The following FSTL4 variants were observed in gnomAD, a reference collection of about 807,000 sequenced individuals.
FSTL4 encodes the protein follistatin-related protein 4.
Under a neutral mutation model 78.2 loss-of-function variants are expected in FSTL4, and 28 were observed. That is an observed-to-expected ratio of 0.36 (90% CI 0.27 to 0.49). FSTL4 has a LOEUF of 0.49. Ranked by LOEUF, FSTL4 falls within the 20% of genes least tolerant of loss-of-function variation. The pLI, the probability that FSTL4 is intolerant of heterozygous loss-of-function variation, is 0.98. For synonymous variants in FSTL4, 422 were observed against 440.5 expected, an observed-to-expected ratio of 0.96 and a Z score of 0.53; for missense variants, 922 against 1,084.9, an observed-to-expected ratio of 0.85 and a Z score of 2.11.
At chr5:133,680,256 G>A in the FSTL4 span, among the ~76,000 whole-genome samples, 1 of 152,042 alleles carries the variant, frequency 6.6e-6, no homozygotes, top group African/African-American at 2.4e-5. Context: ...CTACTATGAG[G>A]CCCTGTGCTG....
the FSTL4 span, among the ~76,000 whole-genome samples, chr5:133,740,666 C>G: frequency 6.6e-6 from 1 of 152,178 alleles, no homozygotes; most frequent in African/African-American, 2.4e-5. Flanking sequence ...AGAACACTCC[C>G]TCTCCTGCAT....
the FSTL4 span, among the ~76,000 whole-genome samples, chr5:133,687,775 T>C: frequency 6.6e-6 from 1 of 152,224 alleles, no homozygotes; most frequent in South Asian, 2.1e-4. Flanking sequence ...GTAGCCTAAA[T>C]AAGAGAGACG....
chr5:133,376,573 G>T (rs755361122), intron 4 of FSTL4, among the ~76,000 whole-genome samples: 1 of 152,066 alleles, frequency 6.6e-6, no homozygotes, highest in Non-Finnish European at 1.5e-5. Flanking sequence ...AAACCCAACC[G>T]GTTAAAGTAT....
At chr5:133,532,363 T>C (rs1759271403) in intron 3 of FSTL4, among the ~76,000 whole-genome samples, 1 of 152,258 alleles carries the variant, frequency 6.6e-6, no homozygotes, top group South Asian at 2.1e-4. Flanking sequence ...ATCCCCTCCA[T>C]GCTGTGTATT....
chr5:133,209,853 T>C, intron 14 of FSTL4: 1 of 223,962 alleles, frequency 4.5e-6, no homozygotes, highest in Non-Finnish European at 8.8e-6. Flanking sequence ...GCTTTGACAC[T>C]ATTCTTCAGC....
At chr5:133,719,059 T>C in the FSTL4 span, among the ~76,000 whole-genome samples, 1 of 152,250 alleles carries the variant, frequency 6.6e-6, no homozygotes, top group Non-Finnish European at 1.5e-5. Context: ...GAATTTTTGG[T>C]TTTATACATA....
intron 6 of FSTL4, among the ~76,000 whole-genome samples, chr5:133,263,108 T>C (rs1752570134): frequency 6.6e-6 from 1 of 152,108 alleles, no homozygotes. Flanking sequence ...GGATGAATAC[T>C]GGGGTTTTGG....
At chr5:133,531,429 C>T (rs968685485) in intron 3 of FSTL4, among the ~76,000 whole-genome samples, 1 of 152,118 alleles carries the variant, frequency 6.6e-6, no homozygotes, top group Non-Finnish European at 1.5e-5. Context: ...CCTTAAGCGT[C>T]CTACTTCTGC....
Position 133,549,399 on chromosome 5 carries a change from A to C in FSTL4, c.160+17787T>G, listed in dbSNP as rs557716361. On this transcript the variant is annotated intron_variant, in intron 3 of 15. Coordinates refer to ENST00000265342, the MANE Select transcript of FSTL4 (RefSeq NM_015082.2). The stretch of plus-strand genomic sequence containing the variant: ...TTCAATTACCTTTTTTAATTTCTAG[A>C]AATTCTATTTGGTTATTTTTCAAAT... Among the ~76,000 whole-genome samples, 11 of 152,238 alleles carry C rather than the reference A, an allele frequency of 7.2e-5. No individual in the cohort carries two copies. The East Asian group carries it at 2.1e-3, about 29-fold the overall frequency.
At chr5:133,755,540 C>T in the FSTL4 span, among the ~76,000 whole-genome samples, 1 of 152,178 alleles carries the variant, frequency 6.6e-6, no homozygotes, top group African/African-American at 2.4e-5. Flanking sequence ...ACCTCTCACA[C>T]ATACTCTAGA....
intron 3 of FSTL4, among the ~76,000 whole-genome samples, chr5:133,402,826 C>T (rs1179632370): frequency 6.6e-6 from 1 of 152,094 alleles, no homozygotes; most frequent in African/African-American, 2.4e-5. Context: ...CCTAAGGAGG[C>T]GGGAATCTCT....
intron 6 of FSTL4, among the ~76,000 whole-genome samples, chr5:133,291,547 T>C (rs78173679): frequency 0.12 from 17,745 of 151,704 alleles, 1,235 homozygotes; most frequent in East Asian, 0.27. Flanking sequence ...ACCAAGAAAG[T>C]GTAAGGGGCT....
chr5:133,303,943 G>A (rs1753603862), intron 6 of FSTL4, among the ~76,000 whole-genome samples: 1 of 152,188 alleles, frequency 6.6e-6, no homozygotes, highest in Non-Finnish European at 1.5e-5. Flanking sequence ...GTGGGCTTGG[G>A]GGCACTCCCT....
At chr5:133,312,929 C>T in intron 5 of FSTL4, 152 bp from the exon 6 acceptor site, 2 of 700,828 alleles carry the variant, frequency 2.9e-6, no homozygotes, top group South Asian at 1.9e-5. Context: ...TGTCTGACTC[C>T]TTCATTTTAT....
chr5:133,684,199 G>A, the FSTL4 span, among the ~76,000 whole-genome samples: 1 of 152,218 alleles, frequency 6.6e-6, no homozygotes, highest in Admixed American at 6.5e-5. Context: ...CAAGCTCAGG[G>A]CTGAAAGTGA....
At chr5:133,213,737 CATA>C (rs1322926405) in intron 13 of FSTL4, among the ~76,000 whole-genome samples, 1 of 151,994 alleles carries the variant, frequency 6.6e-6, no homozygotes, top group Non-Finnish European at 1.5e-5. Flanking sequence ...ACAAAAGTAA[CATA>C]GTAGATAAAA....
the FSTL4 span, among the ~76,000 whole-genome samples, chr5:133,781,851 G>C: frequency 6.6e-6 from 1 of 152,172 alleles, no homozygotes; most frequent in Non-Finnish European, 1.5e-5. Flanking sequence ...ATTATCTGAG[G>C]CTATTGATAT....
the FSTL4 span, among the ~76,000 whole-genome samples, chr5:133,623,673 G>A: frequency 1.3e-5 from 2 of 151,936 alleles, no homozygotes; most frequent in Non-Finnish European, 2.9e-5. Context: ...AAACTTTTGT[G>A]TATCAAATAA....
the FSTL4 span, among the ~76,000 whole-genome samples, chr5:133,826,359 G>A: frequency 2.0e-5 from 3 of 152,320 alleles, no homozygotes; most frequent in South Asian, 6.2e-4. Context: ...CCATAACAAA[G>A]GACCACAAAC....
Sources: allele counts gnomAD v4.1 joint callset (sites outside exome capture counted in the v4.1 genomes callset), GRCh38; gene constraint gnomAD v4.1.1; transcripts MANE v1.5; gene names NCBI Gene and HGNC (gene_info 2026-07-23, HGNC 2026-07-21).